The following TRIO variants were observed in gnomAD, a reference collection of about 807,000 sequenced individuals.
The protein encoded by TRIO is trio Rho guanine nucleotide exchange factor.
TRIO carries 58 observed loss-of-function variants against 351.9 expected under a neutral mutation model. The observed-to-expected ratio is 0.16, with a 90% CI of 0.13 to 0.21. The LOEUF (loss-of-function observed/expected upper bound fraction) is 0.21. Ranked by LOEUF, TRIO falls within the 10% of genes least tolerant of loss-of-function variation. TRIO has a pLI of 1.00. For missense variants in TRIO, 3,201 were observed against 4,027.8 expected (o/e 0.79, Z 5.56); for synonymous variants, 1,758 against 1,595.7 (o/e 1.10, Z -2.42).
intron 9 of TRIO, among the ~76,000 whole-genome samples, chr5:14,323,647 A>T (rs1740101755): frequency 6.6e-6 from 1 of 152,248 alleles, no homozygotes; most frequent in Admixed American, 6.5e-5. Context: ...GCGATTAGAC[A>T]GCTGGGGGTG....
At chr5:14,467,973 C>G (rs1754391366) in intron 37 of TRIO, among the ~76,000 whole-genome samples, 1 of 151,996 alleles carries the variant, frequency 6.6e-6, no homozygotes, top group East Asian at 1.9e-4. Context: ...TTTTTAAAAG[C>G]CATTTATACA....
chr5:14,190,687 T>G lies in TRIO; in HGVS notation c.157+46805T>G, dbSNP rs75936787. 5.7e-3 allele frequency among the ~76,000 whole-genome samples: 863 copies of G among 152,294 alleles called. 9 individuals are homozygous for G. Among genetic ancestry groups the G allele is most frequent in the African/African-American group, 0.02 (811 of 41,552 alleles). On this transcript the variant is annotated intron_variant, in intron 1 of 56. Coordinates refer to ENST00000344204, the MANE Select transcript of TRIO (RefSeq NM_007118.4). ...TCACTTAAAGACAGACTCATATGAC[T>G]GGGGCAGTGACTTGTAGAGCTTCTG...
intron 19 of TRIO, 65 bp from the exon 20 acceptor site, chr5:14,377,942 TGAATG>T: frequency 1.7e-6 from 2 of 1,189,716 alleles, no homozygotes; most frequent in Non-Finnish European, 2.4e-6. Flanking sequence ...TAAATAAAAA[TGAATG>T]GAATTTCGCG....
intron 34 of TRIO, among the ~76,000 whole-genome samples, chr5:14,446,410 C>CA (rs1752444128): frequency 6.6e-6 from 1 of 151,726 alleles, no homozygotes; most frequent in Non-Finnish European, 1.5e-5. Flanking sequence ...TGTGATAACC[C>CA]AAAAAAGTGG....
At chr5:14,293,224 G>A in intron 6 of TRIO, 90 bp downstream of exon 6, 2 of 1,565,920 alleles carry the variant, frequency 1.3e-6, no homozygotes, top group Non-Finnish European at 1.7e-6. Context: ...GGGCTTTCAA[G>A]GGGCCTTCGG....
intron 21 of TRIO, among the ~76,000 whole-genome samples, chr5:14,383,407 A>G (rs30789): frequency 0.28 from 42,267 of 152,088 alleles, 6,053 homozygotes; most frequent in Middle Eastern, 0.37. Flanking sequence ...GATGTGATGT[A>G]CACATGACTA....
chr5:14,366,461 G>T (rs758795617), intron 15 of TRIO, among the ~76,000 whole-genome samples: 1 of 152,100 alleles, frequency 6.6e-6, no homozygotes, highest in Admixed American at 6.5e-5. Context: ...CCCTTTTCAA[G>T]CATTTGCCAA....
chr5:14,216,483 G>A (rs1334844828), intron 1 of TRIO, among the ~76,000 whole-genome samples: 2 of 152,202 alleles, frequency 1.3e-5, no homozygotes, highest in African/African-American at 4.8e-5. Context: ...GTTGGAGTTG[G>A]TGTTGCATGT....
intron 49 of TRIO, among the ~76,000 whole-genome samples, chr5:14,495,916 C>T (rs1023387315): frequency 6.6e-5 from 10 of 152,078 alleles, no homozygotes; most frequent in African/African-American, 1.4e-4. Flanking sequence ...TGCAGTGAGC[C>T]GAGTTCGCGC....
chr5:14,194,905 C>T lies in TRIO; in HGVS notation c.157+51023C>T, dbSNP rs541212443. Among the ~76,000 whole-genome samples the T allele has an allele frequency of 5.9e-5, 9 of 152,168 alleles. No individual in the cohort carries two copies. In the South Asian group the frequency reaches 1.5e-3, roughly 25 times the overall value. ...TTGCCGTTTGTTATACCACTTATAC[C>T]CTTCTTTCTGTATTTGCACATGTAT... On this transcript the variant is annotated intron_variant, in intron 1 of 56. Transcript: ENST00000344204.
chr5:14,398,134 C>A (rs1579535104), intron 29 of TRIO, among the ~76,000 whole-genome samples: 1 of 152,250 alleles, frequency 6.6e-6, no homozygotes, highest in Admixed American at 6.5e-5. Flanking sequence ...TTATTTTGAG[C>A]AGCCCTAGTG....
chr5:14,363,809 T>C lies in TRIO; in HGVS notation c.2469T>C (p.Ile823=), dbSNP rs769273184. 2 of 1,614,254 alleles carry C rather than the reference T, an allele frequency of 1.2e-6. No individual in the cohort carries two copies. Among genetic ancestry groups the C allele is most frequent in the Non-Finnish European group, 1.7e-6 (2 of 1,180,034 alleles). The stretch of plus-strand genomic sequence containing the variant: ...ACTTCGACACAGAAGATCTCACGAT[T>C]GCAGAGCAGCGCCTCCAGCACCATG... ...MNDFDTEDLT[I]AEQRLQHHAD... The change falls in exon 14 of 57, where the codon ATT becomes ATC. Residue 823 remains isoleucine, a synonymous_variant. Transcript: ENST00000344204.
rs770530442 is a variant in TRIO, at chr5:14,487,777, C to T, written c.7149C>T (p.Pro2383=). The T allele has an allele frequency of 1.7e-4, 236 of 1,370,448 alleles. 1 individual carries two copies. The highest frequency in any genetic ancestry group is 4.3e-4 in the Admixed American group (12 of 28,040). The allele number at this position is 1,370,448 out of a possible 1,614,324, so 84.9% of individuals were successfully genotyped here. Reference sequence around the variant, plus strand: ...CCCTGCCTCCCCCTGGCGCGGCCCCCGAGGCCGGCCCCAGCGCGCCCAGCA... The same window carrying T: ...CCCTGCCTCCCCCTGGCGCGGCCCCTGAGGCCGGCCCCAGCGCGCCCAGCA... ...GPSLPPPGAA[P]EAGPSAPSRR... The change falls in exon 48 of 57, where the codon CCC becomes CCT. Residue 2383 remains proline (P), a synonymous_variant. Coordinates refer to ENST00000344204, the MANE Select transcript of TRIO (RefSeq NM_007118.4).
intron 2 of TRIO, among the ~76,000 whole-genome samples, chr5:14,272,937 T>A (rs1796061697): frequency 6.6e-6 from 1 of 152,222 alleles, no homozygotes; most frequent in African/African-American, 2.4e-5. Context: ...CTCATTTTTT[T>A]GTTTCTTTTT....
At chr5:14,427,252 T>C (rs1475630259) in intron 34 of TRIO, among the ~76,000 whole-genome samples, 1 of 152,174 alleles carries the variant, frequency 6.6e-6, no homozygotes, top group Non-Finnish European at 1.5e-5. Flanking sequence ...GCTTAGCCTG[T>C]TGGCCAGTGG....
chr5:14,257,293 C>T (rs926512403), intron 1 of TRIO, among the ~76,000 whole-genome samples: 1 of 152,352 alleles, frequency 6.6e-6, no homozygotes, highest in Admixed American at 6.5e-5. Flanking sequence ...TGATAGCATT[C>T]ACTCTCACCT....
At chr5:14,220,727 G>T (rs1792565219) in intron 1 of TRIO, among the ~76,000 whole-genome samples, 1 of 152,218 alleles carries the variant, frequency 6.6e-6, no homozygotes. Context: ...TCCAGAACAA[G>T]GCCTCAGCAA....
At chr5:14,191,260 CTA>C (rs1160012841) in intron 1 of TRIO, among the ~76,000 whole-genome samples, 1 of 152,106 alleles carries the variant, frequency 6.6e-6, no homozygotes, top group Non-Finnish European at 1.5e-5. Context: ...ATGTAGCATT[CTA>C]TATTCACAAG....
chr5:14,209,917 C>A (rs1393930551), intron 1 of TRIO, among the ~76,000 whole-genome samples: 1 of 152,200 alleles, frequency 6.6e-6, no homozygotes, highest in African/African-American at 2.4e-5. Context: ...TGCAGCCCCC[C>A]AGAATGGGGT....
Sources: allele counts gnomAD v4.1 joint callset (sites outside exome capture counted in the v4.1 genomes callset), GRCh38; gene constraint gnomAD v4.1.1; transcripts MANE v1.5; gene names NCBI Gene and HGNC (gene_info 2026-07-23, HGNC 2026-07-21).